The following MBOAT1 variants were observed in gnomAD, a reference collection of about 807,000 sequenced individuals.
MBOAT1 encodes the protein membrane bound glycerophospholipid O-acyltransferase 1.
Under a neutral mutation model 64.4 loss-of-function variants are expected in MBOAT1, and 67 were observed. The ratio of observed to expected loss-of-function variants is 1.04; its 90% CI spans 0.85 to 1.27. The LOEUF (loss-of-function observed/expected upper bound fraction) is 1.27. Ranked by LOEUF, MBOAT1 falls within the 50% of genes most tolerant of loss-of-function variation. The pLI is 0.00. For synonymous variants in MBOAT1, 229 were observed against 218.9 expected (o/e 1.05, Z -0.41); for missense variants, 563 against 604.6 (o/e 0.93, Z 0.72).
intron 1 of MBOAT1, among the ~76,000 whole-genome samples, chr6:20,207,257 C>T (rs74569407): frequency 6.2e-4 from 95 of 152,278 alleles, no homozygotes; most frequent in Non-Finnish European, 1.1e-3. Context: ...TCCCTACTTC[C>T]TTCAGTGAGG....
intron 1 of MBOAT1, among the ~76,000 whole-genome samples, chr6:20,160,580 TAAC>T (rs959839821): frequency 5.9e-5 from 9 of 152,172 alleles, no homozygotes; most frequent in African/African-American, 2.2e-4. Flanking sequence ...AACTGCTTAA[TAAC>T]AAGAAAATAA....
intron 10 of MBOAT1, among the ~76,000 whole-genome samples, chr6:20,113,275 C>G (rs1006892821): frequency 1.3e-5 from 2 of 152,136 alleles, no homozygotes; most frequent in African/African-American, 4.8e-5. Flanking sequence ...TGATCTGGAC[C>G]CATCACACTG....
chr6:20,150,201 TACTTTGAAATCAAA>T (rs1435971274), intron 3 of MBOAT1, among the ~76,000 whole-genome samples: 1 of 152,220 alleles, frequency 6.6e-6, no homozygotes, highest in African/African-American at 2.4e-5. Context: ...ACTACCTCTG[TACTTTGAAATCAAA>T]ACATCATCGT....
Position 20,179,609 on chromosome 6 carries a change from A to G in MBOAT1, c.100-26840T>C, listed in dbSNP as rs1192676935. Among the ~76,000 whole-genome samples, 5 of 152,322 alleles carry G rather than the reference A, an allele frequency of 3.3e-5. 1 individual carries two copies. In the Middle Eastern group the frequency reaches 0.01, roughly 311 times the overall value. ...ATTCCATGTGTCTGTTATTGTGAAT[A>G]GTGCTGCAATGAACATATGCATGCA... On this transcript the variant is annotated intron_variant, in intron 1 of 12. Coordinates refer to ENST00000324607, the MANE Select transcript of MBOAT1 (RefSeq NM_001080480.3).
intron 1 of MBOAT1, among the ~76,000 whole-genome samples, chr6:20,169,787 T>C (rs1190010041): frequency 6.6e-6 from 1 of 152,188 alleles, no homozygotes. Flanking sequence ...TTGATAATTA[T>C]AGGAGGAAAG....
intron 8 of MBOAT1, among the ~76,000 whole-genome samples, chr6:20,121,870 C>T (rs1173618018): frequency 6.6e-6 from 1 of 152,076 alleles, no homozygotes; most frequent in Non-Finnish European, 1.5e-5. Flanking sequence ...GAAATTAAAA[C>T]TATTAATTAT....
At chr6:20,152,328 AAAAAAAAAAAT>A (rs1416941056) in intron 2 of MBOAT1, among the ~76,000 whole-genome samples, 4 of 79,288 alleles carry the variant, frequency 5.0e-5, no homozygotes, top group South Asian at 9.4e-4. Context: ...CTCCGTCTCA[AAAAAAAAAAAT>A]AAAAAATAAA....
intron 1 of MBOAT1, among the ~76,000 whole-genome samples, chr6:20,188,833 G>A (rs892984086): frequency 6.6e-6 from 1 of 152,190 alleles, no homozygotes; most frequent in Non-Finnish European, 1.5e-5. Context: ...CTGTGGGCAT[G>A]TCTTAGGCAA....
At chr6:20,117,001 T>C (rs1760340458) in intron 9 of MBOAT1, among the ~76,000 whole-genome samples, 1 of 152,206 alleles carries the variant, frequency 6.6e-6, no homozygotes, top group Non-Finnish European at 1.5e-5. Context: ...ACGTCATCTA[T>C]ATAAAAAAGA....
In MBOAT1 at chr6:20,102,185, T is replaced by C. The variant is rs1249364975; in HGVS notation, c.*101A>G. 9.6e-6 allele frequency: 10 copies of C among 1,046,380 alleles called. No homozygotes were observed. Among genetic ancestry groups the C allele is most frequent in the Non-Finnish European group, 1.3e-5 (10 of 746,170 alleles). 64.8% of individuals were successfully genotyped at this position (1,046,380 alleles called of 1,614,324 possible). ...TAAAAAAGAACAAAATAAAGATGCA[T>C]GTAAACATCGCCTCTAAGCCACCGG... On this transcript the variant is annotated 3_prime_UTR_variant, in exon 13 of 13. Coordinates refer to ENST00000324607, the MANE Select transcript of MBOAT1 (RefSeq NM_001080480.3).
intron 4 of MBOAT1, among the ~76,000 whole-genome samples, chr6:20,140,104 G>A (rs1761127398): frequency 6.6e-6 from 1 of 152,160 alleles, no homozygotes; most frequent in South Asian, 2.1e-4. Context: ...AGCACAGGCT[G>A]AGAAGGTAAA....
At chr6:20,170,349 T>C (rs369001566) in intron 1 of MBOAT1, among the ~76,000 whole-genome samples, 20 of 152,266 alleles carry the variant, frequency 1.3e-4, no homozygotes, top group African/African-American at 4.8e-4. Flanking sequence ...CATAGACACC[T>C]AAATTTCTCT....
At chr6:20,190,711 T>A (rs1041288556) in intron 1 of MBOAT1, among the ~76,000 whole-genome samples, 4 of 152,112 alleles carry the variant, frequency 2.6e-5, no homozygotes, top group Non-Finnish European at 5.9e-5. Flanking sequence ...CTTAAACCAC[T>A]TACTTATTTG....
Position 20,212,308 on chromosome 6 carries a change from G to A in MBOAT1, c.-74C>T. 1 of 1,424,970 alleles carries A rather than the reference G, an allele frequency of 7.0e-7. No homozygotes were observed. The highest frequency in any genetic ancestry group is 9.6e-7 in the Non-Finnish European group (1 of 1,039,600). The allele number at this position is 1,424,970 out of a possible 1,614,324, so 88.3% of individuals were successfully genotyped here. On this transcript the variant is annotated 5_prime_UTR_variant, in exon 1 of 13. Coordinates refer to ENST00000324607, the MANE Select transcript of MBOAT1 (RefSeq NM_001080480.3). ...CTGCTCGGCGTCCTCCCGCCCGGGT[G>A]CTCTTGGGTGGTTGCCCCGAGAGGC... is the stretch of plus-strand genomic sequence containing the variant.
At chr6:20,162,968 C>G (rs1297583754) in intron 1 of MBOAT1, among the ~76,000 whole-genome samples, 1 of 152,148 alleles carries the variant, frequency 6.6e-6, no homozygotes, top group East Asian at 1.9e-4. Context: ...AGTCCTTATA[C>G]ACTTAGAGAT....
At chr6:20,195,970 G>A (rs182113542) in intron 1 of MBOAT1, among the ~76,000 whole-genome samples, 3 of 152,264 alleles carry the variant, frequency 2.0e-5, no homozygotes, top group Non-Finnish European at 2.9e-5. Context: ...TTATCCCAAA[G>A]CCAGGACCCC....
At chr6:20,142,909 A>G (rs571188523) in intron 4 of MBOAT1, among the ~76,000 whole-genome samples, 82 of 152,294 alleles carry the variant, frequency 5.4e-4, no homozygotes, top group South Asian at 6.2e-4. Context: ...CCAGTCTGAG[A>G]CCAAACCACA....
At chr6:20,152,827 GT>G in intron 1 of MBOAT1, 58 bp from the exon 2 acceptor site, 1 of 1,479,608 alleles carries the variant, frequency 6.8e-7, no homozygotes, top group Non-Finnish European at 9.1e-7. Context: ...TGGTTTTTTT[GT>G]TTGTTTTGTT....
chr6:20,116,269 T>A (rs1760316096), intron 9 of MBOAT1, among the ~76,000 whole-genome samples: 1 of 151,892 alleles, frequency 6.6e-6, no homozygotes, highest in East Asian at 1.9e-4. Flanking sequence ...GAGGCAGAGG[T>A]TGCAGTGAGC....
Sources: allele counts gnomAD v4.1 joint callset (sites outside exome capture counted in the v4.1 genomes callset), GRCh38; gene constraint gnomAD v4.1.1; transcripts MANE v1.5; gene names NCBI Gene and HGNC (gene_info 2026-07-23, HGNC 2026-07-21).